The following FER1L6 variants were observed in gnomAD, a reference collection of about 807,000 sequenced individuals.
FER1L6 encodes the protein fer-1-like protein 6.
In FER1L6, 177 loss-of-function variants were observed where a neutral mutation model predicts 219.2. The ratio of observed to expected loss-of-function variants is 0.81; its 90% CI spans 0.71 to 0.91. The LOEUF is 0.91. FER1L6 is among the 40% of genes least tolerant of loss of function. The pLI is 0.00. For synonymous variants in FER1L6, 768 were observed against 824.3 expected (o/e 0.93, Z 1.17); for missense variants, 2,153 against 2,259.9 (o/e 0.95, Z 0.96).
At chr8:123,900,302 C>T (rs1812834718) in intron 1 of FER1L6, among the ~76,000 whole-genome samples, 1 of 151,982 alleles carries the variant, frequency 6.6e-6, no homozygotes, top group Non-Finnish European at 1.5e-5. Context: ...TGCTTGGTCG[C>T]TGTTGGTGTA....
At chr8:124,039,164 C>T (rs1000188150) in intron 19 of FER1L6, among the ~76,000 whole-genome samples, 1 of 152,186 alleles carries the variant, frequency 6.6e-6, no homozygotes, top group Non-Finnish European at 1.5e-5. Flanking sequence ...TCCCTGACCC[C>T]CTGCCTGTGA....
chr8:124,099,636 T>C (rs1822466822), intron 37 of FER1L6, among the ~76,000 whole-genome samples: 1 of 152,218 alleles, frequency 6.6e-6, no homozygotes, highest in Non-Finnish European at 1.5e-5. Flanking sequence ...TAGTTTGCTC[T>C]CTATGTTTAA....
intron 1 of FER1L6, among the ~76,000 whole-genome samples, chr8:123,953,639 C>T (rs920674454): frequency 1.3e-5 from 2 of 152,200 alleles, no homozygotes; most frequent in Non-Finnish European, 2.9e-5. Context: ...ACGAGGATGT[C>T]AGCTCCCGAA....
chr8:123,976,226 G>A, intron 9 of FER1L6, 142 bp downstream of exon 9: 1 of 673,098 alleles, frequency 1.5e-6, no homozygotes. Flanking sequence ...ATGGGGCCAG[G>A]CGAGGTGGCT....
rs535008393 is a variant in FER1L6, at chr8:123,872,403, C to T, written c.-8+20218C>T. Among the ~76,000 whole-genome samples the T allele has an allele frequency of 5.6e-4, 85 of 152,194 alleles. 1 individual carries two copies. In the South Asian group the frequency reaches 0.011, roughly 20 times the overall value. ...ACCTGATCAGTACTTCTTAAAACTA[C>T]GAAGGTCATCAAAAACGAAGTCTGA... On this transcript the variant is annotated intron_variant, in intron 1 of 40. Transcript: ENST00000522917.
At chr8:123,982,826 G>T (rs1816380881) in intron 11 of FER1L6, among the ~76,000 whole-genome samples, 1 of 152,136 alleles carries the variant, frequency 6.6e-6, no homozygotes, top group South Asian at 2.1e-4. Flanking sequence ...GTTGGCTCTT[G>T]GCAGGAGGCC....
intron 13 of FER1L6, among the ~76,000 whole-genome samples, chr8:124,009,802 G>A (rs1237866219): frequency 6.6e-6 from 1 of 152,012 alleles, no homozygotes; most frequent in East Asian, 1.9e-4. Context: ...GGAAGCTGGA[G>A]ACCCAGGGAG....
intron 1 of FER1L6, among the ~76,000 whole-genome samples, chr8:123,870,934 A>G (rs907702054): frequency 6.6e-6 from 1 of 152,200 alleles, no homozygotes; most frequent in Non-Finnish European, 1.5e-5. Flanking sequence ...ACTAAAGGCA[A>G]AAGTATGTAA....
intron 1 of FER1L6, among the ~76,000 whole-genome samples, chr8:123,925,138 A>C (rs1202912669): frequency 6.6e-6 from 1 of 152,238 alleles, no homozygotes; most frequent in African/African-American, 2.4e-5. Context: ...TGTAATGGAC[A>C]CTGAAAACAG....
chr8:123,968,214 A>C (rs1457303821), intron 5 of FER1L6, among the ~76,000 whole-genome samples: 1 of 152,214 alleles, frequency 6.6e-6, no homozygotes, highest in African/African-American at 2.4e-5. Context: ...AAATGCTTTA[A>C]AACTGCAAAG....
chr8:124,055,826 G>C (rs144214572), intron 22 of FER1L6, among the ~76,000 whole-genome samples: 10 of 152,282 alleles, frequency 6.6e-5, no homozygotes, highest in Non-Finnish European at 1.5e-4. Context: ...CAGCAGGTCT[G>C]TGTTCCTTCT....
rs1354145484 is a variant in FER1L6 at position 123,942,591 on chromosome 8, C to T, written c.-7-13401C>T. 2.0e-5 allele frequency among the ~76,000 whole-genome samples: 3 copies of T among 152,280 alleles called. No individual in the cohort carries two copies. In the East Asian group the frequency reaches 5.8e-4, roughly 29 times the overall value. On this transcript the variant is annotated intron_variant, in intron 1 of 40. Transcript: ENST00000522917. ...CCTTGGCTCTTCCAGCTTCTGGTGG[C>T]TCCTTTGTTCCTTGTCTTGTGACTG...
At chr8:123,867,611 C>G (rs1816857797) in intron 1 of FER1L6, among the ~76,000 whole-genome samples, 1 of 152,146 alleles carries the variant, frequency 6.6e-6, no homozygotes, top group African/African-American at 2.4e-5. Flanking sequence ...TAGTACCTAC[C>G]TTCTATGGTT....
intron 20 of FER1L6, among the ~76,000 whole-genome samples, chr8:124,041,543 G>C (rs1819495892): frequency 6.6e-6 from 1 of 152,176 alleles, no homozygotes; most frequent in African/African-American, 2.4e-5. Flanking sequence ...ACCAGACTCT[G>C]CTCCAGTGTA....
At chr8:123,991,384 C>T (rs1413401119) in intron 12 of FER1L6, among the ~76,000 whole-genome samples, 2 of 151,994 alleles carry the variant, frequency 1.3e-5, no homozygotes, top group Non-Finnish European at 2.9e-5. Context: ...TTTCTTTCAG[C>T]AGTGTTTTGT....
intron 33 of FER1L6, among the ~76,000 whole-genome samples, chr8:124,088,116 T>G (rs1440669062): frequency 1.3e-5 from 2 of 152,106 alleles, no homozygotes; most frequent in Non-Finnish European, 2.9e-5. Context: ...CCAGCCAGAC[T>G]TCTGTCCTTC....
chr8:123,961,287 A>G (rs1815264448), intron 2 of FER1L6, among the ~76,000 whole-genome samples: 1 of 152,030 alleles, frequency 6.6e-6, no homozygotes, highest in Admixed American at 6.6e-5. Context: ...AAAGAAATGT[A>G]GAAGCTTGGG....
At chr8:123,932,903 A>C (rs1239662854) in intron 1 of FER1L6, among the ~76,000 whole-genome samples, 1 of 152,238 alleles carries the variant, frequency 6.6e-6, no homozygotes, top group East Asian at 1.9e-4. Flanking sequence ...TTGCTGTGCT[A>C]GTAGAGGAGA....
intron 18 of FER1L6, among the ~76,000 whole-genome samples, chr8:124,026,855 G>A (rs926328082): frequency 6.6e-6 from 1 of 152,202 alleles, no homozygotes; most frequent in African/African-American, 2.4e-5. Context: ...CTGTAACAAA[G>A]TAGCATAAAC....
Sources: gnomAD v4.1 joint callset for allele counts (sites outside exome capture counted in the v4.1 genomes callset) on GRCh38, gnomAD v4.1.1 for gene constraint, MANE v1.5 for transcripts, NCBI Gene and HGNC (gene_info 2026-07-23, HGNC 2026-07-21) for gene names.